NLRP8: variants seen among roughly 807,000 people sequenced by gnomAD.
NLRP8 encodes NACHT, LRR and PYD domains-containing protein 8.
A neutral mutation model predicts 88.7 loss-of-function variants in NLRP8; 86 were observed. The ratio of observed to expected loss-of-function variants is 0.97; its 90% CI spans 0.81 to 1.16. NLRP8 has a LOEUF of 1.16. NLRP8 is among the 50% of genes most tolerant of loss of function. The probability of loss-of-function intolerance (pLI) is 0.00; values close to 1 mark genes in which losing one functional copy is unlikely to be tolerated. For missense variants in NLRP8, 1,342 were observed against 1,286.5 expected, an observed-to-expected ratio of 1.04 and a Z score of -0.66; for synonymous variants, 504 against 494.6, an observed-to-expected ratio of 1.02 and a Z score of -0.25.
At chr19:55,965,871 G>A (rs1979815890) in intron 4 of NLRP8, among the ~76,000 whole-genome samples, 2 of 123,572 alleles carry the variant, frequency 1.6e-5, no homozygotes, top group Admixed American at 2.3e-4. Context: ...TGTTCTCATT[G>A]TTGAACTCCC....
At position 55,974,126 on chromosome 19, in the gene NLRP8, C is replaced by T. The variant is rs538442003; in HGVS notation, c.2705+304C>T. Among the ~76,000 whole-genome samples, 18 of 148,476 alleles carry T rather than the reference C, an allele frequency of 1.2e-4. 1 individual carries two copies. The highest frequency in any genetic ancestry group is 4.2e-4 in the South Asian group (2 of 4,714). ...ATCTATCTGTTCATCACTGTAAGAA[C>T]GACTACCTCGAGGTGTAAGAATTAA... On this transcript the variant is annotated intron_variant, in intron 7 of 9. Coordinates refer to ENST00000291971, the MANE Select transcript of NLRP8 (RefSeq NM_176811.2).
Position 55,955,187 on chromosome 19 carries a change from G to A in NLRP8, c.1129G>A (p.Asp377Asn), listed in dbSNP as rs772876824. ...GTATTTTGGACACACAGAGGAGGGA[G>A]ACCAAGTCTTGAGTTTCGCCATGGA... is the stretch of plus-strand genomic sequence containing the variant. Residue 377 changes from aspartate to asparagine, a missense_variant, in exon 3 of 10, where the codon GAC (aspartate) becomes AAC (asparagine). Physicochemically the swap from Asp to Asn is conservative, Grantham distance 23. Coordinates refer to ENST00000291971, the MANE Select transcript of NLRP8 (RefSeq NM_176811.2). 1.2e-6 allele frequency: 2 copies of A among 1,614,140 alleles called. No individual in the cohort carries two copies. Among genetic ancestry groups the A allele is most frequent in the Non-Finnish European group, 1.7e-6 (2 of 1,179,996 alleles).
At chr19:55,978,948 A>G (rs1007072326) in intron 8 of NLRP8, among the ~76,000 whole-genome samples, 2 of 152,076 alleles carry the variant, frequency 1.3e-5, no homozygotes, top group African/African-American at 4.8e-5. Flanking sequence ...TTTTAAAAAG[A>G]TCCAAACACC....
intron 2 of NLRP8, among the ~76,000 whole-genome samples, 172 bp downstream of exon 2, chr19:55,952,784 G>T (rs1294446128): frequency 6.6e-6 from 1 of 152,124 alleles, no homozygotes; most frequent in East Asian, 1.9e-4. Context: ...AAACTAGCCG[G>T]GCGTGGTGGC....
chr19:55,955,974 A>G lies in NLRP8; in HGVS notation c.1916A>G (p.Asn639Ser), dbSNP rs1439835079. The change falls in exon 3 of 10, where the codon AAC (asparagine) becomes AGC (serine). Residue 639 changes from asparagine to serine, a missense_variant. Coordinates refer to ENST00000291971, the MANE Select transcript of NLRP8 (RefSeq NM_176811.2). ...AAAGTTGTCTTGAGAATTGGCAACA[A>G]CAAAGAAGTTCAAGTGTCTGCTTTT... 3 of 1,614,100 alleles carry G rather than the reference A, an allele frequency of 1.9e-6. No homozygotes were observed. The highest frequency in any genetic ancestry group is 2.7e-5 in the African/African-American group (2 of 74,932).
chr19:55,986,089 A>T (rs1341284696), intron 9 of NLRP8, among the ~76,000 whole-genome samples: 3 of 152,314 alleles, frequency 2.0e-5, no homozygotes, highest in South Asian at 2.1e-4. Context: ...AAGTGTTCTC[A>T]CCACAAAAAA....
chr19:55,968,534 A>T (rs565682321), intron 5 of NLRP8, among the ~76,000 whole-genome samples: 1 of 152,166 alleles, frequency 6.6e-6, no homozygotes, highest in African/African-American at 2.4e-5. Flanking sequence ...TGAGGTCAGG[A>T]GTTTGAGACC....
chr19:55,949,725 G>T (rs560655136), intron 1 of NLRP8, among the ~76,000 whole-genome samples: 3 of 143,208 alleles, frequency 2.1e-5, no homozygotes, highest in Admixed American at 7.1e-5. Context: ...GATATTACAA[G>T]TAGTCAGTCT....
intron 4 of NLRP8, among the ~76,000 whole-genome samples, chr19:55,963,007 T>C (rs1979682510): frequency 6.6e-6 from 1 of 152,018 alleles, no homozygotes; most frequent in African/African-American, 2.4e-5. Flanking sequence ...AGTATTAATA[T>C]GTACTATTAT....
chr19:55,976,233 C>T lies in NLRP8; in HGVS notation c.2806C>T (p.Leu936=). 6.2e-7 allele frequency: 1 copy of T among 1,613,760 alleles called. No homozygotes were observed. Among genetic ancestry groups the T allele is most frequent in the Non-Finnish European group, 8.5e-7 (1 of 1,179,930 alleles). ...AAGTCTTGACCTAAGTTTTAATAGC[C>T]TGAAGGATGATGGGGTGATCCTGCT... Residue 936 remains leucine (L), a synonymous_variant, in exon 8 of 10, where the codon CTG becomes TTG. Transcript: ENST00000291971.
At chr19:55,982,671 AG>A (rs773694903) in intron 9 of NLRP8, among the ~76,000 whole-genome samples, 13 of 152,228 alleles carry the variant, frequency 8.5e-5, no homozygotes, top group Admixed American at 2.0e-4. Flanking sequence ...GGGCCAGGCC[AG>A]TGGCTTGCAC....
At chr19:55,966,488 G>A in intron 5 of NLRP8, 108 bp downstream of exon 5, 1 of 1,085,074 alleles carries the variant, frequency 9.2e-7, no homozygotes, top group Non-Finnish European at 1.3e-6. Context: ...TTGATCTGCT[G>A]TTGGCTTTGT....
chr19:55,951,350 A>G (rs957798752), intron 1 of NLRP8, among the ~76,000 whole-genome samples: 4 of 152,220 alleles, frequency 2.6e-5, no homozygotes, highest in African/African-American at 9.6e-5. Flanking sequence ...TGTTGTAACC[A>G]GAGACTAGCA....
rs1470632721 is a variant in NLRP8, at chr19:55,955,050, T to TA, written c.992_993insA (p.Ile332AspfsTer27). 6 of 1,614,014 alleles carry TA rather than the reference T, an allele frequency of 3.7e-6. No homozygotes were observed. Among genetic ancestry groups the TA allele is most frequent in the Non-Finnish European group, 4.2e-6 (5 of 1,180,028 alleles). ...ACGATGCTTCCAGAGGCCACGCTAC[T>TA]GATCATGATAAGATTTACCTCTTGG... is the stretch of plus-strand genomic sequence containing the variant. On this transcript the variant is annotated frameshift_variant, in exon 3 of 10. Transcript: ENST00000291971. LOFTEE classifies it high-confidence loss of function.
At chr19:55,956,191 C>A in intron 3 of NLRP8, 91 bp downstream of exon 3, 1 of 1,271,976 alleles carries the variant, frequency 7.9e-7, no homozygotes, top group Non-Finnish European at 1.1e-6. Context: ...ATCTGCAAAC[C>A]TTTCTGATCT....
At chr19:55,971,505 C>G (rs1456781918) in intron 6 of NLRP8, among the ~76,000 whole-genome samples, 3 of 148,840 alleles carry the variant, frequency 2.0e-5, no homozygotes, top group African/African-American at 7.4e-5. Context: ...TTTCCCTGAT[C>G]TATATCTTAG....
intron 1 of NLRP8, among the ~76,000 whole-genome samples, chr19:55,949,122 C>T (rs192178522): frequency 6.6e-6 from 1 of 152,218 alleles, no homozygotes; most frequent in Non-Finnish European, 1.5e-5. Flanking sequence ...CAGAGAGAGA[C>T]CACATTTACA....
intron 1 of NLRP8, among the ~76,000 whole-genome samples, chr19:55,949,773 T>C (rs769117200): frequency 3.7e-4 from 56 of 152,250 alleles, no homozygotes; most frequent in Non-Finnish European, 6.0e-4. Context: ...CTCCACAGTT[T>C]TAAACATAAA....
In NLRP8 at chr19:55,966,303, T is replaced by C. The variant is rs1979835967; in HGVS notation, c.2304T>C (p.His768=). 9.9e-6 allele frequency: 16 copies of C among 1,613,912 alleles called. No individual in the cohort carries two copies. Among genetic ancestry groups the C allele is most frequent in the Non-Finnish European group, 1.3e-5 (15 of 1,179,950 alleles). Reference sequence around the variant, plus strand: ...ATCTGAGATACTTGGAAATACAACATGTGGAAGTGGAGTCCAAAGCTGTGA... The same window carrying C: ...ATCTGAGATACTTGGAAATACAACACGTGGAAGTGGAGTCCAAAGCTGTGA... Residue 768 remains histidine (H), a synonymous_variant, in exon 5 of 10, where the codon CAT becomes CAC. Coordinates refer to ENST00000291971, the MANE Select transcript of NLRP8 (RefSeq NM_176811.2).
Sources: allele counts gnomAD v4.1 joint callset (sites outside exome capture counted in the v4.1 genomes callset), GRCh38; gene constraint gnomAD v4.1.1; transcripts MANE v1.5; gene names NCBI Gene and HGNC (gene_info 2026-07-23, HGNC 2026-07-21).